The following TMX3 variants were observed in gnomAD, a reference collection of about 807,000 sequenced individuals.
TMX3 encodes thioredoxin related transmembrane protein 3.
TMX3 carries 40 observed loss-of-function variants against 64.4 expected under a neutral mutation model. That is an observed-to-expected ratio of 0.62 (90% CI 0.48 to 0.81). The LOEUF is 0.81. Among genes scored for constraint, TMX3 ranks in the 30% least tolerant of loss-of-function variants. The pLI, the probability that TMX3 is intolerant of heterozygous loss-of-function variation, is 0.00. For missense variants in TMX3, 497 were observed against 534.5 expected (o/e 0.93, Z 0.69); for synonymous variants, 189 against 175.7 (o/e 1.08, Z -0.60).
chr18:68,677,545 C>CTA (rs1337929012), intron 15 of TMX3, among the ~76,000 whole-genome samples: 73 of 152,194 alleles, frequency 4.8e-4, no homozygotes, highest in African/African-American at 1.7e-3. Context: ...GCTTCCTGAA[C>CTA]CACAGGAATC....
At chr18:68,714,584 A>G (rs2031710368) in intron 1 of TMX3, 2 of 372,966 alleles carry the variant, frequency 5.4e-6, no homozygotes, top group Non-Finnish European at 9.7e-6. Context: ...CGGAACCTAA[A>G]GCCAAGGCAA....
At chr18:68,711,436 T>A in intron 2 of TMX3, 33 bp from the exon 3 acceptor site, 1 of 1,515,776 alleles carries the variant, frequency 6.6e-7, no homozygotes, top group East Asian at 2.3e-5. Context: ...TTTGATTGTA[T>A]GTTTGTGTCC....
Position 68,697,972 on chromosome 18 carries a change from C to T in TMX3, c.452G>A (p.Arg151His), listed in dbSNP as rs201057152. 4.9e-5 allele frequency: 79 copies of T among 1,612,078 alleles called. No homozygotes were observed. The highest frequency in any genetic ancestry group is 3.3e-4 in the Middle Eastern group (2 of 6,074). Residue 151 changes from arginine (R) to histidine (H), a missense_variant, in exon 7 of 16, where the codon CGT (arginine) becomes CAT (histidine). By Grantham distance (29) the Arg-to-His change is conservative (BLOSUM62 0). Around this residue, in one of 3 missense-constraint regions of TMX3, gnomAD observed 360 missense variants for 383.5 expected, o/e 0.94. Coordinates refer to ENST00000299608, the MANE Select transcript of TMX3 (RefSeq NM_019022.5). ...QMFEHMQKRH[R>H]VFFVYVGGES... The stretch of plus-strand genomic sequence containing the variant: ...TCCACCTACATAAACGAAAAATACA[C>T]GGTGTCTCTTCTGCATATGTTCAAA...
At chr18:68,687,480 A>G (rs1182566670) in intron 10 of TMX3, 187 bp downstream of exon 10, 6 of 985,230 alleles carry the variant, frequency 6.1e-6, no homozygotes, top group Middle Eastern at 5.2e-4. Flanking sequence ...TTAATCACTG[A>G]CCCACATGCA....
chr18:68,714,547 G>A, intron 1 of TMX3: 1 of 287,938 alleles, frequency 3.5e-6, no homozygotes, highest in Non-Finnish European at 6.6e-6. Context: ...AGTACTGGTG[G>A]TAAAAATCCT....
In TMX3 at chr18:68,674,610, G is replaced by A. The variant is rs913261277; in HGVS notation, c.*2323C>T. ...TCTTTATATGGAAGTAATGTTTCACGGAATGAAACTAACATTCATAGTAAT... is the reference window on the plus strand; with the variant it reads ...TCTTTATATGGAAGTAATGTTTCACAGAATGAAACTAACATTCATAGTAAT... On this transcript the variant is annotated 3_prime_UTR_variant, in exon 16 of 16. Coordinates refer to ENST00000299608, the MANE Select transcript of TMX3 (RefSeq NM_019022.5). 3 of 151,900 alleles carry A rather than the reference G, an allele frequency of 2.0e-5. No individual in the cohort carries two copies. The highest frequency in any genetic ancestry group is 2.9e-5 in the Non-Finnish European group (2 of 67,964). The allele number at this position is 151,900 out of a possible 1,614,324, so 9.4% of individuals were successfully genotyped here. A position where few individuals can be genotyped will look rare whatever the true frequency, so the allele number is the denominator to read the frequency against.
At chr18:68,693,833 G>A (rs901581852) in intron 8 of TMX3, among the ~76,000 whole-genome samples, 41 of 152,138 alleles carry the variant, frequency 2.7e-4, no homozygotes, top group African/African-American at 9.9e-4. Context: ...ACGGCCTGGA[G>A]TAAGAACTTC....
intron 7 of TMX3, 34 bp downstream of exon 7, chr18:68,697,898 A>T: frequency 7.4e-7 from 1 of 1,345,844 alleles, no homozygotes; most frequent in Non-Finnish European, 1.1e-6. Context: ...AAATTACAAT[A>T]CATCTGTTTT....
chr18:68,690,081 T>C (rs1001029021), intron 9 of TMX3: 1 of 152,216 alleles, frequency 6.6e-6, no homozygotes, highest in African/African-American at 2.4e-5. Context: ...ATGCTACTTA[T>C]AATAAAACAA....
At chr18:68,677,773 C>T (rs1005190658) in intron 15 of TMX3, among the ~76,000 whole-genome samples, 3 of 151,870 alleles carry the variant, frequency 2.0e-5, no homozygotes, top group Non-Finnish European at 4.4e-5. Context: ...TGAATTGCAA[C>T]GATAACTCTT....
At position 68,682,912 on chromosome 18, in the gene TMX3, G is replaced by A. The variant is rs1448383189; in HGVS notation, c.905+13C>T. 3 of 1,598,170 alleles carry A rather than the reference G, an allele frequency of 1.9e-6. No individual in the cohort carries two copies. The highest frequency in any genetic ancestry group is 1.7e-5 in the Admixed American group (1 of 58,804). On this transcript the variant is annotated intron_variant, in intron 13 of 15. Transcript: ENST00000299608. ...ATAGATTTGACAGCAAAATCATTCA[G>A]CACTTTACTTACTCCATCAGCAAGG...
rs1912901359 is a variant in TMX3, at chr18:68,676,033, T to C, written c.*900A>G. 6.6e-6 allele frequency: 1 copy of C among 152,136 alleles called. No individual in the cohort carries two copies. Among genetic ancestry groups the C allele is most frequent in the African/African-American group, 2.4e-5 (1 of 41,438 alleles). 9.4% of individuals were successfully genotyped at this position (152,136 alleles called of 1,614,324 possible). ...TTCTAGAGTAGAAGTTACCATAAAGTTCACACACCAGAAACATAAAAATAT... is the reference window on the plus strand; with the variant it reads ...TTCTAGAGTAGAAGTTACCATAAAGCTCACACACCAGAAACATAAAAATAT... On this transcript the variant is annotated 3_prime_UTR_variant, in exon 16 of 16. Coordinates refer to ENST00000299608, the MANE Select transcript of TMX3 (RefSeq NM_019022.5).
intron 4 of TMX3, among the ~76,000 whole-genome samples, chr18:68,704,465 T>G (rs930794944): frequency 6.6e-6 from 1 of 151,868 alleles, no homozygotes; most frequent in Non-Finnish European, 1.5e-5. Flanking sequence ...TCGGTAACTC[T>G]TTTGAGAGCA....
chr18:68,698,230 T>C (rs1915308468), intron 6 of TMX3, among the ~76,000 whole-genome samples, 199 bp from the exon 7 acceptor site: 1 of 152,188 alleles, frequency 6.6e-6, no homozygotes, highest in Non-Finnish European at 1.5e-5. Context: ...AAAAGGTTAA[T>C]ATAGTACCCA....
chr18:68,677,670 A>G (rs1406230088), intron 15 of TMX3, among the ~76,000 whole-genome samples: 5 of 152,176 alleles, frequency 3.3e-5, no homozygotes, highest in African/African-American at 1.2e-4. Flanking sequence ...TCATTGACTT[A>G]CTAATTTCCC....
chr18:68,680,016 G>A (rs187373043), intron 14 of TMX3, among the ~76,000 whole-genome samples: 1 of 152,194 alleles, frequency 6.6e-6, no homozygotes, highest in Admixed American at 6.5e-5. Flanking sequence ...CAAGCTCTAT[G>A]AGACAATAAA....
At chr18:68,705,153 G>GT (rs2030536649) in intron 4 of TMX3, among the ~76,000 whole-genome samples, 1 of 152,026 alleles carries the variant, frequency 6.6e-6, no homozygotes, top group Admixed American at 6.6e-5. Context: ...AACACAACTG[G>GT]TATCTAGTGG....
At chr18:68,696,297 CT>C in intron 8 of TMX3, among the ~76,000 whole-genome samples, 1 of 152,208 alleles carries the variant, frequency 6.6e-6, no homozygotes, top group East Asian at 1.9e-4. Context: ...CCTCAGCCCC[CT>C]GAGTAGCTGG....
intron 10 of TMX3, chr18:68,686,944 C>T: frequency 1.0e-6 from 1 of 983,618 alleles, no homozygotes; most frequent in Non-Finnish European, 1.2e-6. Flanking sequence ...AGTAGGCAAT[C>T]ATGAAGAGGA....
Sources: gnomAD v4.1 joint callset for allele counts (sites outside exome capture counted in the v4.1 genomes callset) on GRCh38, gnomAD v4.1.1 for gene constraint, gnomAD v4.1.1 regional missense constraint, MANE v1.5 for transcripts, NCBI Gene and HGNC (gene_info 2026-07-23, HGNC 2026-07-21) for gene names.